RAD54B: variants seen among roughly 807,000 people sequenced by gnomAD.
The protein encoded by RAD54B is DNA repair and recombination protein RAD54B.
A neutral mutation model predicts 95.8 loss-of-function variants in RAD54B; 78 were observed. The ratio of observed to expected loss-of-function variants is 0.81; its 90% CI spans 0.68 to 0.98. The LOEUF (loss-of-function observed/expected upper bound fraction) is 0.98, where lower values mean the gene tolerates loss of function less well. Among genes scored for constraint, RAD54B ranks in the 50% least tolerant of loss-of-function variants. RAD54B has a pLI of 0.00. For missense variants in RAD54B, 957 were observed against 1,056.6 expected (o/e 0.91, Z 1.31); for synonymous variants, 328 against 354.9 (o/e 0.92, Z 0.85).
intron 2 of RAD54B, among the ~76,000 whole-genome samples, chr8:94,458,639 G>A (rs890773283): frequency 3.3e-5 from 5 of 152,206 alleles, no homozygotes; most frequent in Non-Finnish European, 5.9e-5. Context: ...GGCCGAGGCG[G>A]GTGAATTACT....
intron 3 of RAD54B, among the ~76,000 whole-genome samples, chr8:94,456,966 G>A (rs1260097313): frequency 6.6e-6 from 1 of 152,184 alleles, no homozygotes; most frequent in Non-Finnish European, 1.5e-5. Context: ...AGTTGAGTAA[G>A]TTAACTCCCT....
intron 3 of RAD54B, among the ~76,000 whole-genome samples, chr8:94,416,522 T>TA (rs1026612663): frequency 1.4e-4 from 19 of 136,390 alleles, no homozygotes; most frequent in African/African-American, 3.5e-4. Flanking sequence ...ATAATAATAA[T>TA]AAAAAAAAAG....
intron 1 of RAD54B, among the ~76,000 whole-genome samples, chr8:94,470,271 G>A (rs1813137341): frequency 6.6e-6 from 1 of 151,768 alleles, no homozygotes; most frequent in South Asian, 2.1e-4. Context: ...GACCAGCCAG[G>A]CTAACATGGT....
chr8:94,400,246 C>G lies in RAD54B; in HGVS notation c.1162G>C (p.Val388Leu). Residue 388 changes from valine to leucine, a missense_variant, in exon 7 of 15, where the codon GTT becomes CTT. Val to Leu is a conservative substitution (Grantham distance 32). Transcript: ENST00000336148. ...ACTTTTAAGTTTCTTACCTGATCAA[C>G]AGTAAATATCTTGATCCTTTCACTT... ...LGSERIKIFT[V>L]DQDHKVEEFI... The G allele has an allele frequency of 2.5e-6, 4 of 1,610,444 alleles. No homozygotes were observed. Among genetic ancestry groups the G allele is most frequent in the Non-Finnish European group, 3.4e-6 (4 of 1,176,922 alleles).
chr8:94,457,181 G>T (rs1396029819), intron 3 of RAD54B, among the ~76,000 whole-genome samples: 2 of 152,096 alleles, frequency 1.3e-5, no homozygotes, highest in African/African-American at 4.8e-5. Flanking sequence ...AAGTAGAAAA[G>T]AAAATCTGGG....
At position 94,458,822 on chromosome 8, in the gene RAD54B, G is replaced by A. The variant is rs960974988; in HGVS notation, c.136-386C>T. On this transcript the variant is annotated intron_variant, in intron 2 of 14. Coordinates refer to ENST00000336148, the MANE Select transcript of RAD54B (RefSeq NM_012415.3). ...GCGGAGGTTGCAGTGAGCCAAGATT[G>A]TACCACTGCATTCCAGCCTGGGCAA... Among the ~76,000 whole-genome samples the A allele has an allele frequency of 2.0e-5, 3 of 151,728 alleles. No individual in the cohort carries two copies. In the East Asian group the frequency reaches 5.8e-4, roughly 29 times the overall value.
chr8:94,407,072 T>C (rs764691950), intron 5 of RAD54B, among the ~76,000 whole-genome samples: 14 of 152,144 alleles, frequency 9.2e-5, no homozygotes, highest in Non-Finnish European at 1.9e-4. Context: ...GTCCTCAAAT[T>C]AGAAGTATAA....
intron 3 of RAD54B, among the ~76,000 whole-genome samples, chr8:94,453,046 A>G (rs1320174270): frequency 6.6e-6 from 1 of 152,218 alleles, no homozygotes; most frequent in African/African-American, 2.4e-5. Context: ...TGCTAAAGGC[A>G]TATACCTTGT....
At chr8:94,381,915 C>A (rs1402815616) in intron 11 of RAD54B, among the ~76,000 whole-genome samples, 3 of 151,980 alleles carry the variant, frequency 2.0e-5, no homozygotes, top group Admixed American at 1.3e-4. Context: ...AGATAGAGAC[C>A]ATCCTGGCTA....
intron 8 of RAD54B, among the ~76,000 whole-genome samples, chr8:94,395,759 AT>A (rs1366411144): frequency 6.6e-6 from 1 of 152,200 alleles, no homozygotes; most frequent in Admixed American, 6.5e-5. Context: ...TCCTTTGGAT[AT>A]CATCACATCT....
intron 1 of RAD54B, among the ~76,000 whole-genome samples, chr8:94,469,644 T>C (rs888837194): frequency 1.3e-5 from 2 of 152,214 alleles, no homozygotes; most frequent in East Asian, 1.9e-4. Context: ...ATATCAAACA[T>C]GTTGCCTTTT....
intron 2 of RAD54B, among the ~76,000 whole-genome samples, chr8:94,464,043 T>C (rs1812970226): frequency 1.3e-5 from 2 of 152,072 alleles, no homozygotes. Context: ...AATGAATAGA[T>C]ATATAAATTG....
intron 3 of RAD54B, among the ~76,000 whole-genome samples, chr8:94,417,589 TG>T (rs1486847531): frequency 6.6e-6 from 1 of 151,550 alleles, no homozygotes; most frequent in Non-Finnish European, 1.5e-5. Context: ...GTTTGGAAAA[TG>T]GTTTCGCAGA....
chr8:94,461,098 AT>A (rs565261178), intron 2 of RAD54B, among the ~76,000 whole-genome samples: 7 of 147,558 alleles, frequency 4.7e-5, no homozygotes, highest in Non-Finnish European at 5.9e-5. Context: ...AAATGGTTGA[AT>A]TTTTTTTAAA....
At chr8:94,375,769 T>C (rs1434098311) in intron 14 of RAD54B, among the ~76,000 whole-genome samples, 1 of 152,150 alleles carries the variant, frequency 6.6e-6, no homozygotes, top group Non-Finnish European at 1.5e-5. Flanking sequence ...TAATATGCTA[T>C]AATTTATTGG....
intron 3 of RAD54B, chr8:94,429,401 A>C (rs1812028289): frequency 1.2e-6 from 1 of 860,330 alleles, no homozygotes; most frequent in African/African-American, 1.8e-5. Flanking sequence ...ACTTTTTTTT[A>C]ACACAGATCT....
Position 94,391,675 on chromosome 8 carries a change from A to G in RAD54B, c.1743T>C (p.His581=). ...TTTTAAGAGCTCCTATACATATTAG[A>G]TGGGGACTATTTTCCAACAACCCTT... is the stretch of plus-strand genomic sequence containing the variant. ...CLQGLLENSP[H]LICIGALKKL... Residue 581 remains histidine, a synonymous_variant, in exon 10 of 15, where the codon CAT becomes CAC. Coordinates refer to ENST00000336148, the MANE Select transcript of RAD54B (RefSeq NM_012415.3). 6.2e-7 allele frequency: 1 copy of G among 1,613,960 alleles called. No homozygotes were observed. Among genetic ancestry groups the G allele is most frequent in the South Asian group, 1.1e-5 (1 of 91,062 alleles).
At chr8:94,442,915 G>A (rs889416634) in intron 3 of RAD54B, among the ~76,000 whole-genome samples, 5 of 152,066 alleles carry the variant, frequency 3.3e-5, no homozygotes, top group South Asian at 2.1e-4. Context: ...GCATTGTCCC[G>A]CAATGGCAAA....
chr8:94,397,292 G>A (rs1038249442), intron 8 of RAD54B, among the ~76,000 whole-genome samples: 2 of 152,018 alleles, frequency 1.3e-5, no homozygotes, highest in African/African-American at 2.4e-5. Flanking sequence ...GGGGTAAAAC[G>A]TCCTGCCCAT....
Sources: gnomAD v4.1 joint callset for allele counts (sites outside exome capture counted in the v4.1 genomes callset) on GRCh38, gnomAD v4.1.1 for gene constraint, MANE v1.5 for transcripts, NCBI Gene and HGNC (gene_info 2026-07-23, HGNC 2026-07-21) for gene names.